The following DGKB variants were observed in gnomAD, a reference collection of about 807,000 sequenced individuals.
DGKB encodes 90 kDa diacylglycerol kinase.
In DGKB, 67 loss-of-function variants were observed where a neutral mutation model predicts 114.3. The observed-to-expected ratio is 0.59, with a 90% CI of 0.48 to 0.72. The LOEUF (loss-of-function observed/expected upper bound fraction) is 0.72, where lower values mean the gene tolerates loss of function less well. DGKB is among the 30% of genes least tolerant of loss of function. The pLI is 0.00. For synonymous variants in DGKB, 398 were observed against 323.1 expected, an observed-to-expected ratio of 1.23 and a Z score of -2.49; for missense variants, 907 against 975.2, an observed-to-expected ratio of 0.93 and a Z score of 0.93.
Position 14,560,934 on chromosome 7 carries a change from C to T in DGKB, c.1770+13278G>A, listed in dbSNP as rs531131390. Among the ~76,000 whole-genome samples the T allele has an allele frequency of 3.9e-5, 6 of 152,192 alleles. No individual in the cohort carries two copies. The South Asian group carries it at 8.3e-4, about 21-fold the overall frequency. On this transcript the variant is annotated intron_variant, in intron 20 of 25. Coordinates refer to ENST00000402815, the MANE Select transcript of DGKB (RefSeq NM_001350709.2). Reference sequence around the variant, plus strand: ...CGTTGTGCTTTTGATGTGAATTTCCCTGATGATTAATAATATTGAGCATTT... The same window carrying T: ...CGTTGTGCTTTTGATGTGAATTTCCTTGATGATTAATAATATTGAGCATTT...
At chr7:14,914,581 G>T (rs897743120) in intron 1 of DGKB, among the ~76,000 whole-genome samples, 2 of 151,946 alleles carry the variant, frequency 1.3e-5, no homozygotes, top group African/African-American at 4.8e-5. Context: ...ACCAAATACA[G>T]CATGTCTGGG....
intron 2 of DGKB, among the ~76,000 whole-genome samples, chr7:14,795,125 C>T (rs528613256): frequency 6.6e-6 from 1 of 152,284 alleles, no homozygotes; most frequent in South Asian, 2.1e-4. Context: ...GTATGTTAAA[C>T]TCAAACAAAC....
chr7:14,364,173 TA>T (rs898251225), intron 21 of DGKB, among the ~76,000 whole-genome samples: 17 of 151,892 alleles, frequency 1.1e-4, no homozygotes, highest in East Asian at 3.9e-4. Flanking sequence ...TTATTTCCAA[TA>T]AAAAAAACAA....
At chr7:14,351,215 C>G (rs552991456) in intron 21 of DGKB, among the ~76,000 whole-genome samples, 16 of 152,294 alleles carry the variant, frequency 1.1e-4, no homozygotes, top group Non-Finnish European at 2.2e-4. Context: ...AAACATTACA[C>G]TAAACATGGG....
chr7:14,820,752 G>T (rs1844810372), intron 2 of DGKB, among the ~76,000 whole-genome samples: 1 of 152,166 alleles, frequency 6.6e-6, no homozygotes, highest in East Asian at 1.9e-4. Flanking sequence ...CCATTCTGTT[G>T]GGTTTAAGGC....
At chr7:14,754,669 GT>G (rs1834613370) in intron 3 of DGKB, among the ~76,000 whole-genome samples, 1 of 152,112 alleles carries the variant, frequency 6.6e-6, no homozygotes, top group Non-Finnish European at 1.5e-5. Flanking sequence ...GCCTGACTAT[GT>G]TTTACTGAGA....
At chr7:14,931,627 C>T (rs1021944676) in intron 1 of DGKB, among the ~76,000 whole-genome samples, 1 of 152,132 alleles carries the variant, frequency 6.6e-6, no homozygotes, top group Admixed American at 6.6e-5. Context: ...ATAGCCACAG[C>T]TTTGGCTGGA....
At chr7:14,554,512 G>A (rs914717805) in intron 20 of DGKB, among the ~76,000 whole-genome samples, 2 of 151,886 alleles carry the variant, frequency 1.3e-5, no homozygotes, top group Admixed American at 1.3e-4. Flanking sequence ...TTTTCCCTGT[G>A]GAATAGATTT....
intron 8 of DGKB, among the ~76,000 whole-genome samples, chr7:14,695,494 C>CTCTTTTTTT (rs1823671843): frequency 9.3e-5 from 7 of 75,158 alleles, no homozygotes; most frequent in African/African-American, 1.8e-4. Context: ...CTCTCTCTCT[C>CTCTTTTTTT]TTTTTTTTTT....
At chr7:14,264,268 A>T (rs1194749769) in intron 23 of DGKB, among the ~76,000 whole-genome samples, 1 of 152,196 alleles carries the variant, frequency 6.6e-6, no homozygotes, top group Non-Finnish European at 1.5e-5. Flanking sequence ...AGCTCTTCTT[A>T]GGATTAATGC....
chr7:14,487,726 C>T (rs533810934), intron 20 of DGKB, among the ~76,000 whole-genome samples: 2 of 151,066 alleles, frequency 1.3e-5, no homozygotes, highest in South Asian at 2.1e-4. Context: ...CTTGACCCCT[C>T]GAGTAAGCTG....
chr7:14,514,917 G>T (rs1477105718), intron 20 of DGKB, among the ~76,000 whole-genome samples: 1 of 152,064 alleles, frequency 6.6e-6, no homozygotes, highest in Non-Finnish European at 1.5e-5. Flanking sequence ...GCCAGTGGTA[G>T]TCCGCAGTCC....
chr7:14,862,576 G>A (rs922815768), intron 1 of DGKB, among the ~76,000 whole-genome samples: 1 of 152,010 alleles, frequency 6.6e-6, no homozygotes, highest in Non-Finnish European at 1.5e-5. Context: ...CCGTTAATAA[G>A]CAATGAAGCC....
At chr7:14,905,797 T>C (rs1783674803), upstream of DGKB, among the ~76,000 whole-genome samples, 2 of 152,176 alleles carry the variant, frequency 1.3e-5, no homozygotes. Context: ...GCTTAGAAAG[T>C]GGTATGTGCA....
intron 21 of DGKB, among the ~76,000 whole-genome samples, chr7:14,347,531 C>T (rs889297606): frequency 3.3e-5 from 5 of 151,896 alleles, no homozygotes; most frequent in East Asian, 1.9e-4. Flanking sequence ...AAAGACAAAT[C>T]TTGCATGATC....
intron 2 of DGKB, among the ~76,000 whole-genome samples, chr7:14,838,735 G>A (rs886814584): frequency 8.5e-5 from 13 of 152,140 alleles, no homozygotes; most frequent in South Asian, 2.1e-4. Context: ...CTTCTCAGTC[G>A]TCAAAGTAAA....
chr7:14,659,514 C>G (rs1227780460), intron 13 of DGKB, among the ~76,000 whole-genome samples: 3 of 149,478 alleles, frequency 2.0e-5, no homozygotes, highest in Non-Finnish European at 4.4e-5. Context: ...GGAGTTCACT[C>G]ATGATTTGGC....
intron 10 of DGKB, 99 bp downstream of exon 10, chr7:14,685,146 G>C (rs1450375614): frequency 1.3e-6 from 1 of 746,278 alleles, no homozygotes; most frequent in Non-Finnish European, 2.3e-6. Context: ...AGACAGTCCA[G>C]ATCAGATCTT....
chr7:14,791,398 A>AT (rs1174741306), intron 2 of DGKB, among the ~76,000 whole-genome samples: 17 of 151,176 alleles, frequency 1.1e-4, no homozygotes, highest in Non-Finnish European at 1.8e-4. Context: ...TTCTGATATA[A>AT]TTTTTTTATT....
Sources: allele counts gnomAD v4.1 joint callset (sites outside exome capture counted in the v4.1 genomes callset), GRCh38; gene constraint gnomAD v4.1.1; transcripts MANE v1.5; gene names NCBI Gene and HGNC (gene_info 2026-07-23, HGNC 2026-07-21).